The following FNDC3B variants were observed in gnomAD, a reference collection of about 807,000 sequenced individuals.
FNDC3B encodes fibronectin type III domain containing 3B, also known as fibronectin type III domain-containing protein 3B.
A neutral mutation model predicts 151.5 loss-of-function variants in FNDC3B; 12 were observed. That is an observed-to-expected ratio of 0.08 (90% CI 0.05 to 0.13). FNDC3B has a LOEUF of 0.13. Among genes scored for constraint, FNDC3B ranks in the 10% least tolerant of loss-of-function variants. The pLI is 1.00. For synonymous variants in FNDC3B, 528 were observed against 549.0 expected (o/e 0.96, Z 0.54); for missense variants, 1,214 against 1,505.3 (o/e 0.81, Z 3.20).
chr3:172,182,714 C>T (rs767194633), intron 3 of FNDC3B, among the ~76,000 whole-genome samples: 16 of 152,256 alleles, frequency 1.1e-4, no homozygotes, highest in Middle Eastern at 3.4e-3. Context: ...CCATGTTTTT[C>T]GTGTCGACAG....
At chr3:172,125,287 T>C (rs1720757886) in intron 2 of FNDC3B, among the ~76,000 whole-genome samples, 1 of 152,096 alleles carries the variant, frequency 6.6e-6, no homozygotes, top group Non-Finnish European at 1.5e-5. Context: ...GTCAGGCTTG[T>C]GTTTGCAAAA....
chr3:172,226,124 A>G (rs1288808415), intron 3 of FNDC3B, among the ~76,000 whole-genome samples: 5 of 151,948 alleles, frequency 3.3e-5, no homozygotes, highest in Non-Finnish European at 7.4e-5. Flanking sequence ...TGGCCAACAC[A>G]GTGAAACCCG....
intron 3 of FNDC3B, among the ~76,000 whole-genome samples, chr3:172,222,917 G>C (rs1437009888): frequency 6.6e-6 from 1 of 152,206 alleles, no homozygotes; most frequent in Non-Finnish European, 1.5e-5. Flanking sequence ...AAGAGCTTGT[G>C]TGGTCCTAAG....
chr3:172,267,502 G>A (rs1221682647), intron 6 of FNDC3B, among the ~76,000 whole-genome samples: 1 of 152,190 alleles, frequency 6.6e-6, no homozygotes, highest in South Asian at 2.1e-4. Flanking sequence ...AAAGCTGAAT[G>A]CTATAACAAC....
chr3:172,181,217 C>G (rs994708646), intron 3 of FNDC3B, among the ~76,000 whole-genome samples: 2 of 151,206 alleles, frequency 1.3e-5, no homozygotes, highest in Admixed American at 1.3e-4. Flanking sequence ...CTGGATACCA[C>G]GATGAAACCC....
intron 1 of FNDC3B, among the ~76,000 whole-genome samples, chr3:172,101,546 G>C (rs1320825918): frequency 6.6e-6 from 1 of 152,032 alleles, no homozygotes; most frequent in Non-Finnish European, 1.5e-5. Context: ...CTTTCAGCTA[G>C]GTCCTTCTTT....
At chr3:172,252,793 C>G (rs1728151599) in intron 6 of FNDC3B, among the ~76,000 whole-genome samples, 3 of 152,000 alleles carry the variant, frequency 2.0e-5, no homozygotes. Flanking sequence ...CTCTATTTTC[C>G]AAACTCTGCA....
chr3:172,317,160 T>C (rs1246290699), intron 11 of FNDC3B: 1 of 447,020 alleles, frequency 2.2e-6, no homozygotes. Flanking sequence ...ACATGTTGCA[T>C]TGGGGATTAA....
chr3:172,061,128 A>T (rs997190746), intron 1 of FNDC3B, among the ~76,000 whole-genome samples: 1 of 151,702 alleles, frequency 6.6e-6, no homozygotes, highest in Non-Finnish European at 1.5e-5. Flanking sequence ...TCCTTCCCTG[A>T]TATTTCTTTT....
intron 3 of FNDC3B, among the ~76,000 whole-genome samples, chr3:172,224,065 A>C (rs1382269187): frequency 2.0e-5 from 3 of 152,240 alleles, no homozygotes; most frequent in Non-Finnish European, 4.4e-5. Context: ...AACCAGGCAG[A>C]TCACACTCTT....
intron 11 of FNDC3B, chr3:172,321,822 G>GAC: frequency 6.1e-6 from 1 of 165,154 alleles, no homozygotes; most frequent in African/African-American, 2.4e-5. Flanking sequence ...TCAAACTCCT[G>GAC]ACCTCAGGTG....
rs2108401938 is a variant in FNDC3B, at chr3:172,397,333, C to A, written c.3473C>A (p.Thr1158Lys). 1 of 1,614,206 alleles carries A rather than the reference C, an allele frequency of 6.2e-7. No homozygotes were observed. Among genetic ancestry groups the A allele is most frequent in the South Asian group, 1.1e-5 (1 of 91,086 alleles). The change falls in exon 26 of 26, where the codon ACA becomes AAA. Residue 1158 changes from threonine to lysine, a missense_variant. Physicochemically the swap from Thr to Lys is moderately conservative, Grantham distance 78 (BLOSUM62 -1). Around this residue, in one of 7 missense-constraint regions of FNDC3B, gnomAD observed 284 missense variants for 392.4 expected, o/e 0.72. Coordinates refer to ENST00000415807, the MANE Select transcript of FNDC3B (RefSeq NM_022763.4). Reference sequence around the variant, plus strand: ...TTACAACGAAGTGAGGTCATGCTTACAGGGGACATGGGGAGCTTAGATGAT... The same window carrying A: ...TTACAACGAAGTGAGGTCATGCTTAAAGGGGACATGGGGAGCTTAGATGAT... The part of the protein sequence containing the change: ...FVLQRSEVML[T>K]GDMGSLDDPK...
At chr3:172,288,500 G>A (rs1167279931) in intron 7 of FNDC3B, among the ~76,000 whole-genome samples, 2 of 152,244 alleles carry the variant, frequency 1.3e-5, no homozygotes, top group Non-Finnish European at 2.9e-5. Flanking sequence ...GATGGGCACA[G>A]ACGTAGTCAG....
intron 25 of FNDC3B, among the ~76,000 whole-genome samples, chr3:172,383,817 A>G (rs1393026390): frequency 6.6e-6 from 1 of 152,224 alleles, no homozygotes; most frequent in Non-Finnish European, 1.5e-5. Context: ...ACTCTGAAGG[A>G]TTTAGATACT....
chr3:172,385,793 G>A (rs1174042606), intron 25 of FNDC3B, among the ~76,000 whole-genome samples: 1 of 151,976 alleles, frequency 6.6e-6, no homozygotes, highest in Non-Finnish European at 1.5e-5. Flanking sequence ...CTCCTGACCT[G>A]GTGATCCACC....
chr3:172,276,893 A>G (rs1396671765), intron 6 of FNDC3B, among the ~76,000 whole-genome samples: 2 of 152,228 alleles, frequency 1.3e-5, no homozygotes, highest in Non-Finnish European at 2.9e-5. Flanking sequence ...CAACTAATGC[A>G]TACTTGGTCC....
At chr3:172,136,274 A>G (rs1443226250) in intron 3 of FNDC3B, among the ~76,000 whole-genome samples, 1 of 152,200 alleles carries the variant, frequency 6.6e-6, no homozygotes, top group Admixed American at 6.5e-5. Flanking sequence ...GCAGAACAAA[A>G]GTGGTTGGTG....
chr3:172,178,227 G>A (rs1723709897), intron 3 of FNDC3B, among the ~76,000 whole-genome samples: 1 of 152,066 alleles, frequency 6.6e-6, no homozygotes, highest in South Asian at 2.1e-4. Flanking sequence ...AGGGAATAGA[G>A]GTTAAGGGAG....
At chr3:172,054,647 G>C (rs1716825188) in intron 1 of FNDC3B, among the ~76,000 whole-genome samples, 1 of 152,198 alleles carries the variant, frequency 6.6e-6, no homozygotes, top group South Asian at 2.1e-4. Context: ...GGTGAGGACT[G>C]TTAGAACCAC....
Sources: allele counts gnomAD v4.1 joint callset (sites outside exome capture counted in the v4.1 genomes callset), GRCh38; gene constraint gnomAD v4.1.1; regional missense constraint gnomAD v4.1.1; transcripts MANE v1.5; gene names NCBI Gene and HGNC (gene_info 2026-07-23, HGNC 2026-07-21).